Variants in DGKK observed in about 807,000 individuals in gnomAD.
DGKK encodes diacylglycerol kinase kappa.
DGKK carries 35 observed loss-of-function variants against 92.2 expected under a neutral mutation model. That is an observed-to-expected ratio of 0.38 (90% CI 0.29 to 0.50). The LOEUF (loss-of-function observed/expected upper bound fraction) is 0.50. DGKK is among the 20% of genes least tolerant of loss of function. The probability of loss-of-function intolerance (pLI) is 0.92; values close to 1 mark genes in which losing one functional copy is unlikely to be tolerated. For synonymous variants in DGKK, 368 were observed against 360.6 expected (o/e 1.02, Z -0.23); for missense variants, 910 against 992.2 (o/e 0.92, Z 1.11).
chrX:50,429,613 C>T (rs918816338), intron 1 of DGKK, among the ~76,000 whole-genome samples: 3 of 111,571 alleles, frequency 2.7e-5, no homozygotes, highest in East Asian at 5.7e-4. Context: ...GGCGTGAACC[C>T]GGGAGGCGGA....
chrX:50,389,689 T>C (rs1439027655), intron 12 of DGKK, among the ~76,000 whole-genome samples: 1 of 111,890 alleles, frequency 8.9e-6, no homozygotes, highest in Non-Finnish European at 1.9e-5. Context: ...ATTACTTCTC[T>C]AGCCTCATCT....
chrX:50,427,934 T>C (rs1925789856), intron 1 of DGKK, among the ~76,000 whole-genome samples: 1 of 111,108 alleles, frequency 9.0e-6, no homozygotes, highest in African/African-American at 3.3e-5. Flanking sequence ...CCATGTGATA[T>C]GGCAGGGGCA....
In DGKK at chrX:50,422,761, T is replaced by C. The variant is rs1459842713; in HGVS notation, c.757-235A>G. On this transcript the variant is annotated intron_variant, in intron 2 of 27. Coordinates refer to ENST00000611977, the MANE Select transcript of DGKK (RefSeq NM_001013742.4). The stretch of plus-strand genomic sequence containing the variant: ...CAAAAAATGAAATCAAAATAAACTT[T>C]TTACAGACATTTATGTGGAATTATA... Among the ~76,000 whole-genome samples the C allele has an allele frequency of 2.7e-5, 3 of 112,065 alleles. No individual in the cohort carries two copies. The Admixed American group carries it at 2.8e-4, about 11-fold the overall frequency.
rs1295795745 is a variant in DGKK at position 50,387,608 on chromosome X, C to A, written c.2064G>T (p.Lys688Asn). 1 of 1,207,178 alleles carries A rather than the reference C, an allele frequency of 8.3e-7. No homozygotes were observed. The highest frequency in any genetic ancestry group is 1.1e-6 in the Non-Finnish European group (1 of 893,122). ...TGTTCTGTTTTATCTGACCCCAGGC[C>A]TTTACAATATCAACCACAAAATCTT... ...AVEDFVVDIV[K>N]AWGQIKQNNT... The change falls in exon 14 of 28, where the codon AAG becomes AAT. Residue 688 changes from lysine to asparagine, a missense_variant. Lys to Asn is a moderately conservative substitution (Grantham distance 94). Transcript: ENST00000611977.
intron 1 of DGKK, among the ~76,000 whole-genome samples, chrX:50,428,326 C>T (rs1173593100): frequency 9.0e-6 from 1 of 110,874 alleles, no homozygotes; most frequent in African/African-American, 3.3e-5. Context: ...CTTGTGGGAA[C>T]TGTCCTTCTT....
chrX:50,464,057 A>T lies in DGKK; in HGVS notation c.645+5977T>A, dbSNP rs782475767. 1.4e-4 allele frequency among the ~76,000 whole-genome samples: 15 copies of T among 110,246 alleles called. 1 individual carries two copies. The South Asian group carries it at 5.3e-3, about 39-fold the overall frequency. Reference sequence around the variant, plus strand: ...TTAATTAAAAATAAATAAATAAAATAAAAAGAATAAAGTTTTTGAGTGAAT... The same window carrying T: ...TTAATTAAAAATAAATAAATAAAATTAAAAGAATAAAGTTTTTGAGTGAAT... On this transcript the variant is annotated intron_variant, in intron 1 of 27. Coordinates refer to ENST00000611977, the MANE Select transcript of DGKK (RefSeq NM_001013742.4).
intron 1 of DGKK, among the ~76,000 whole-genome samples, chrX:50,432,434 TA>T (rs1178102123): frequency 1.8e-5 from 2 of 112,813 alleles, no homozygotes; most frequent in Admixed American, 9.3e-5. Context: ...TTTCTTCCTG[TA>T]AATCGTAGCA....
At chrX:50,412,258 G>A (rs1925322403) in intron 4 of DGKK, among the ~76,000 whole-genome samples, 1 of 111,975 alleles carries the variant, frequency 8.9e-6, no homozygotes, top group Admixed American at 9.5e-5. Flanking sequence ...AACCAAGGAA[G>A]TAAAAGACCT....
chrX:50,418,291 T>G (rs1016296171), intron 4 of DGKK, among the ~76,000 whole-genome samples: 4 of 112,114 alleles, frequency 3.6e-5, no homozygotes, highest in Non-Finnish European at 1.9e-5. Flanking sequence ...TTTCTTTTGT[T>G]TCTGTGTATA....
At chrX:50,453,810 G>A (rs1266753273) in intron 1 of DGKK, among the ~76,000 whole-genome samples, 3 of 110,366 alleles carry the variant, frequency 2.7e-5, no homozygotes, top group African/African-American at 6.6e-5. Context: ...GAGGGGAAAC[G>A]AAAGCATTGC....
chrX:50,447,667 G>C (rs1174255098), intron 1 of DGKK, among the ~76,000 whole-genome samples: 2 of 105,189 alleles, frequency 1.9e-5, no homozygotes, highest in Non-Finnish European at 3.9e-5. Flanking sequence ...GGTAGGGCTA[G>C]ATTTCTGACA....
chrX:50,413,038 CCTT>C (rs1404235336), intron 4 of DGKK, among the ~76,000 whole-genome samples: 1 of 110,722 alleles, frequency 9.0e-6, no homozygotes, highest in African/African-American at 3.3e-5. Context: ...GTTGCACACT[CCTT>C]ATGAGAATCT....
intron 13 of DGKK, 148 bp downstream of exon 13, chrX:50,388,379 T>A: frequency 2.1e-6 from 1 of 469,634 alleles, no homozygotes. Flanking sequence ...TTCCTAAACT[T>A]TCCATTCAGG....
At chrX:50,436,398 T>A (rs1360723761) in intron 1 of DGKK, among the ~76,000 whole-genome samples, 1 of 111,959 alleles carries the variant, frequency 8.9e-6, no homozygotes, top group African/African-American at 3.2e-5. Context: ...AGAGCTAAAA[T>A]CTCTCTTGAG....
rs1923965159 is a variant in DGKK, at chrX:50,365,982, C to T, written c.*2958G>A. On this transcript the variant is annotated 3_prime_UTR_variant, in exon 28 of 28. Transcript: ENST00000611977. ...GCAGTTGGTGGCAGTTCAAATGTAT[C>T]GGCTTTTTCTTCTCCACTATTCTTC... The T allele has an allele frequency of 9.0e-6, 1 of 111,683 alleles. No individual in the cohort carries two copies. The highest frequency in any genetic ancestry group is 1.9e-5 in the Non-Finnish European group (1 of 53,130). The allele number at this position is 111,683 out of a possible 1,213,427, so 9.2% of individuals were successfully genotyped here.
chrX:50,405,129 C>T (rs782746514), intron 4 of DGKK, among the ~76,000 whole-genome samples: 1 of 112,292 alleles, frequency 8.9e-6, no homozygotes, highest in Non-Finnish European at 1.9e-5. Flanking sequence ...CAAGACACAA[C>T]CCCTGCCTAC....
chrX:50,386,744 A>G (rs1444856132), intron 14 of DGKK, among the ~76,000 whole-genome samples, 158 bp from the exon 15 acceptor site: 1 of 111,482 alleles, frequency 9.0e-6, no homozygotes, highest in Non-Finnish European at 1.9e-5. Context: ...TGAAGTACTT[A>G]GCAAAAGAAG....
At chrX:50,415,771 C>A (rs1489082584) in intron 4 of DGKK, among the ~76,000 whole-genome samples, 2 of 111,555 alleles carry the variant, frequency 1.8e-5, no homozygotes, top group African/African-American at 6.5e-5. Flanking sequence ...TTTGGAAGGA[C>A]ATAACTTGTT....
intron 1 of DGKK, among the ~76,000 whole-genome samples, chrX:50,434,182 A>G (rs1360743778): frequency 9.1e-6 from 1 of 110,229 alleles, no homozygotes; most frequent in Non-Finnish European, 1.9e-5. Flanking sequence ...GACTCTGGCG[A>G]TGGCCCTCAT....
Sources: allele counts gnomAD v4.1 joint callset (sites outside exome capture counted in the v4.1 genomes callset), GRCh38; gene constraint gnomAD v4.1.1; transcripts MANE v1.5; gene names NCBI Gene and HGNC (gene_info 2026-07-23, HGNC 2026-07-21).